The following FBXL17 variants were observed in gnomAD, a reference collection of about 807,000 sequenced individuals.
FBXL17 encodes the protein F-box/LRR-repeat protein 17.
Under a neutral mutation model 66.2 loss-of-function variants are expected in FBXL17, and 22 were observed. The ratio of observed to expected loss-of-function variants is 0.33; its 90% CI spans 0.24 to 0.47. FBXL17 has a LOEUF of 0.47. Ranked by LOEUF, FBXL17 falls within the 20% of genes least tolerant of loss-of-function variation. The pLI is 1.00. For synonymous variants in FBXL17, 474 were observed against 400.5 expected (o/e 1.18, Z -2.19); for missense variants, 878 against 948.2 (o/e 0.93, Z 0.97).
At chr5:107,987,038 G>A (rs762936493) in intron 7 of FBXL17, among the ~76,000 whole-genome samples, 1 of 151,822 alleles carries the variant, frequency 6.6e-6, no homozygotes, top group Non-Finnish European at 1.5e-5. Flanking sequence ...TCACATAACT[G>A]AAACCTTCAT....
intron 7 of FBXL17, among the ~76,000 whole-genome samples, chr5:107,960,378 A>T (rs947081294): frequency 5.9e-5 from 9 of 152,098 alleles, no homozygotes; most frequent in African/African-American, 2.2e-4. Context: ...AACCATATTC[A>T]CCATGCTGTG....
intron 6 of FBXL17, among the ~76,000 whole-genome samples, chr5:108,089,691 CTTG>C (rs955493362): frequency 3.3e-5 from 5 of 152,292 alleles, no homozygotes; most frequent in African/African-American, 1.2e-4. Context: ...CTTTTTTCCC[CTTG>C]TTTAGTTTTT....
At chr5:107,947,349 GGGAGGT>G (rs1751347395) in intron 7 of FBXL17, among the ~76,000 whole-genome samples, 2 of 152,248 alleles carry the variant, frequency 1.3e-5, no homozygotes, top group Admixed American at 1.3e-4. Context: ...TGCCTGGGCT[GGGAGGT>G]GCCTGAGTTT....
Position 108,088,700 on chromosome 5 carries a change from C to CAAAAA in FBXL17, c.1746-67704_1746-67700dup, listed in dbSNP as rs57707936. On this transcript the variant is annotated intron_variant, in intron 6 of 8. Transcript: ENST00000542267. The stretch of plus-strand genomic sequence containing the variant: ...TGGCCGACAGAGCGAGACTCTATCT[C>CAAAAA]AAAAAAAAAAAAAAAAAAAAAAAAA... Among the ~76,000 whole-genome samples, 14 of 49,340 alleles carry CAAAAA rather than the reference C, an allele frequency of 2.8e-4. 2 individuals are homozygous for CAAAAA. The highest frequency in any genetic ancestry group is 5.2e-4 in the African/African-American group (6 of 11,554). 32.4% of individuals were successfully genotyped at this position (49,340 alleles called of 152,430 possible).
intron 1 of FBXL17, among the ~76,000 whole-genome samples, chr5:108,375,315 G>C (rs1304738443): frequency 6.6e-6 from 1 of 151,574 alleles, no homozygotes; most frequent in Non-Finnish European, 1.5e-5. Flanking sequence ...CATTTACATA[G>C]CTATAAGCTA....
chr5:107,983,114 G>A (rs886374297), intron 7 of FBXL17, among the ~76,000 whole-genome samples: 1 of 151,888 alleles, frequency 6.6e-6, no homozygotes, highest in Non-Finnish European at 1.5e-5. Context: ...TAGACCTGAC[G>A]ACTTTTCTTT....
chr5:108,122,363 G>T (rs993677327), intron 6 of FBXL17, among the ~76,000 whole-genome samples: 1 of 152,112 alleles, frequency 6.6e-6, no homozygotes, highest in South Asian at 2.1e-4. Flanking sequence ...TTGATTTCAT[G>T]TTCTTAACCA....
chr5:108,298,537 A>G (rs914859082), intron 4 of FBXL17: 1 of 974,236 alleles, frequency 1.0e-6, no homozygotes, highest in Non-Finnish European at 1.2e-6. Context: ...TAATGATGCT[A>G]AGGAGAAATC....
intron 5 of FBXL17, among the ~76,000 whole-genome samples, chr5:108,199,795 AG>A (rs1753817055): frequency 6.6e-6 from 1 of 152,316 alleles, no homozygotes; most frequent in Non-Finnish European, 1.5e-5. Flanking sequence ...GTGTTGGTCA[AG>A]GTATAATTAG....
At chr5:108,291,371 C>T (rs1375553038) in intron 4 of FBXL17, among the ~76,000 whole-genome samples, 1 of 152,170 alleles carries the variant, frequency 6.6e-6, no homozygotes. Flanking sequence ...TCATCACGTG[C>T]TCTGCTTTTC....
chr5:107,920,427 T>C (rs1352527153), intron 7 of FBXL17, among the ~76,000 whole-genome samples: 2 of 152,148 alleles, frequency 1.3e-5, no homozygotes, highest in African/African-American at 4.8e-5. Context: ...ATGTGAATCT[T>C]AGTATAGGAA....
At chr5:108,208,973 C>T (rs1400371185) in intron 5 of FBXL17, among the ~76,000 whole-genome samples, 1 of 152,014 alleles carries the variant, frequency 6.6e-6, no homozygotes, top group Non-Finnish European at 1.5e-5. Flanking sequence ...TGTTTGTGTC[C>T]TCTGTTATTT....
intron 4 of FBXL17, among the ~76,000 whole-genome samples, chr5:108,241,061 T>C (rs905722389): frequency 1.6e-4 from 25 of 152,188 alleles, no homozygotes; most frequent in African/African-American, 5.3e-4. Context: ...GCAAAGACTA[T>C]AACAAATACC....
At chr5:108,225,664 T>G (rs1230863031) in intron 4 of FBXL17, among the ~76,000 whole-genome samples, 1 of 152,196 alleles carries the variant, frequency 6.6e-6, no homozygotes, top group Non-Finnish European at 1.5e-5. Context: ...GCTCTAGAAC[T>G]GTGACACCAT....
chr5:108,361,863 G>A (rs1296154092), intron 3 of FBXL17, among the ~76,000 whole-genome samples: 2 of 152,132 alleles, frequency 1.3e-5, no homozygotes, highest in East Asian at 3.9e-4. Context: ...GGTCTGCTCT[G>A]TTCCCTCTGG....
At chr5:108,105,042 CGTGTT>C (rs923433938) in intron 6 of FBXL17, among the ~76,000 whole-genome samples, 52 of 152,226 alleles carry the variant, frequency 3.4e-4, no homozygotes, top group African/African-American at 1.2e-3. Flanking sequence ...AGGGTTTCAC[CGTGTT>C]AGCTAGGATG....
intron 4 of FBXL17, among the ~76,000 whole-genome samples, chr5:108,339,226 C>G (rs17387645): frequency 0.12 from 18,471 of 152,002 alleles, 1,360 homozygotes; most frequent in Admixed American, 0.16. Context: ...ATCCTAAAAC[C>G]CTAGAACCTC....
intron 8 of FBXL17, among the ~76,000 whole-genome samples, chr5:107,871,518 G>A (rs546563390): frequency 3.3e-5 from 5 of 152,276 alleles, no homozygotes; most frequent in African/African-American, 9.6e-5. Flanking sequence ...CCTCCACTGA[G>A]AAAGATGTTT....
At chr5:108,284,533 T>A (rs1419314939) in intron 4 of FBXL17, among the ~76,000 whole-genome samples, 1 of 151,748 alleles carries the variant, frequency 6.6e-6, no homozygotes, top group Admixed American at 6.6e-5. Flanking sequence ...GAACAATAGA[T>A]AAGGAAGACT....
Sources: gnomAD v4.1 joint callset for allele counts (sites outside exome capture counted in the v4.1 genomes callset) on GRCh38, gnomAD v4.1.1 for gene constraint, MANE v1.5 for transcripts, NCBI Gene and HGNC (gene_info 2026-07-23, HGNC 2026-07-21) for gene names.